Variants in ZFHX4 observed in about 807,000 individuals in gnomAD.
The protein encoded by ZFHX4 is zinc finger homeobox 4.
In ZFHX4, 56 loss-of-function variants were observed where a neutral mutation model predicts 267.6. The observed-to-expected ratio is 0.21, with a 90% CI of 0.17 to 0.26. The LOEUF (loss-of-function observed/expected upper bound fraction) is 0.26. Ranked by LOEUF, ZFHX4 falls within the 10% of genes least tolerant of loss-of-function variation. The pLI, the probability that ZFHX4 is intolerant of heterozygous loss-of-function variation, is 1.00. For synonymous variants in ZFHX4, 1,778 were observed against 1,665.6 expected (o/e 1.07, Z -1.64); for missense variants, 4,332 against 4,420.0 (o/e 0.98, Z 0.56).
intron 1 of ZFHX4, among the ~76,000 whole-genome samples, chr8:76,701,310 A>G (rs1808096902): frequency 6.6e-6 from 1 of 152,124 alleles, no homozygotes; most frequent in African/African-American, 2.4e-5. Context: ...TATAGAAGAC[A>G]GGTATTTGAC....
intron 5 of ZFHX4, chr8:76,833,741 C>G: frequency 3.8e-6 from 1 of 260,118 alleles, no homozygotes; most frequent in Admixed American, 5.0e-5. Context: ...AACATTATCA[C>G]TTGAAGACTG....
chr8:76,770,826 T>C (rs968243476), intron 3 of ZFHX4, among the ~76,000 whole-genome samples: 1 of 152,138 alleles, frequency 6.6e-6, no homozygotes, highest in Non-Finnish European at 1.5e-5. Context: ...GGAAGCTGTA[T>C]ACTCAGAATG....
intron 1 of ZFHX4, among the ~76,000 whole-genome samples, chr8:76,686,946 C>A (rs1033283661): frequency 3.3e-5 from 5 of 152,192 alleles, no homozygotes; most frequent in African/African-American, 9.7e-5. Flanking sequence ...GTTTCCCCCC[C>A]TTCTAAGACC....
Position 76,855,286 on chromosome 8 carries a change from G to C in ZFHX4, c.8365G>C (p.Ala2789Pro). 3 of 1,612,956 alleles carry C rather than the reference G, an allele frequency of 1.9e-6. No homozygotes were observed. The highest frequency in any genetic ancestry group is 2.5e-6 in the Non-Finnish European group (3 of 1,179,604). ...EDVENLNAPP[A>P]EAGYDQNKTD... ...TGTAGAGAATTTAAATGCCCCTCCT[G>C]CTGAGGCTGGGTATGATCAAAATAA... The change falls in exon 10 of 11, where the codon GCT becomes CCT. Residue 2789 changes from alanine (A) to proline (P), a missense_variant. By Grantham distance (27) the Ala-to-Pro change is conservative. Transcript: ENST00000651372.
At chr8:76,748,307 T>C (rs1402197506) in intron 3 of ZFHX4, among the ~76,000 whole-genome samples, 4 of 152,242 alleles carry the variant, frequency 2.6e-5, no homozygotes, top group Non-Finnish European at 5.9e-5. Context: ...GAACATCTTC[T>C]CTCCGATTTG....
intron 10 of ZFHX4, among the ~76,000 whole-genome samples, chr8:76,862,488 C>T (rs1416798792): frequency 1.3e-5 from 2 of 152,206 alleles, no homozygotes; most frequent in East Asian, 3.9e-4. Context: ...TAATGAATGG[C>T]TCTGACTTCG....
chr8:76,705,843 A>G lies in ZFHX4; in HGVS notation c.1755A>G (p.Ser585=), dbSNP rs765911473. 8 of 1,613,784 alleles carry G rather than the reference A, an allele frequency of 5.0e-6. No homozygotes were observed. The highest frequency in any genetic ancestry group is 6.8e-6 in the Non-Finnish European group (8 of 1,179,872). The change falls in exon 2 of 11, where the codon TCA becomes TCG. Residue 585 remains serine, a synonymous_variant. Transcript: ENST00000651372. The part of the protein sequence containing the change: ...SEIARGDEDS[S]ATPHQHGFTP... Reference sequence around the variant, plus strand: ...TAGCCCGGGGAGACGAAGACAGTTCAGCCACTCCTCACCAGCATGGCTTTA... The same window carrying G: ...TAGCCCGGGGAGACGAAGACAGTTCGGCCACTCCTCACCAGCATGGCTTTA...
chr8:76,842,636 G>C lies in ZFHX4; in HGVS notation c.3395-19G>C, dbSNP rs893513057. 4 of 1,537,788 alleles carry C rather than the reference G, an allele frequency of 2.6e-6. No homozygotes were observed. The Admixed American group carries it at 5.9e-5, about 23-fold the overall frequency. On this transcript the variant is annotated intron_variant, in intron 5 of 10. Transcript: ENST00000651372. Reference sequence around the variant, plus strand: ...TGGGCGGTTTTCAGTTCTACTGATTGGTCTGCCTTTCTTAACAGAAGAACA... The same window carrying C: ...TGGGCGGTTTTCAGTTCTACTGATTCGTCTGCCTTTCTTAACAGAAGAACA...
At chr8:76,756,033 T>C (rs1394822362) in intron 3 of ZFHX4, among the ~76,000 whole-genome samples, 3 of 151,874 alleles carry the variant, frequency 2.0e-5, no homozygotes, top group Non-Finnish European at 4.4e-5. Context: ...CACCAGAAGA[T>C]GTGTCAAAGT....
Position 76,706,109 on chromosome 8 carries a change from G to T in ZFHX4, c.2021G>T (p.Cys674Phe). 3 of 1,613,628 alleles carry T rather than the reference G, an allele frequency of 1.9e-6. No individual in the cohort carries two copies. The highest frequency in any genetic ancestry group is 2.5e-6 in the Non-Finnish European group (3 of 1,179,808). ...KEKHPEPGGS[C>F]VYCKTGQPHP... Reference sequence around the variant, plus strand: ...AAACACCCTGAGCCGGGTGGCTCTTGTGTTTATTGTAAGACTGGACAGCCT... The same window carrying T: ...AAACACCCTGAGCCGGGTGGCTCTTTTGTTTATTGTAAGACTGGACAGCCT... The change falls in exon 2 of 11, where the codon TGT becomes TTT. Residue 674 changes from cysteine (C) to phenylalanine (F), a missense_variant. By Grantham distance (205) the Cys-to-Phe change is radical. This residue lies in a region of ZFHX4 where 1,195 missense variants were observed against 1,173.6 expected (regional missense o/e 1.02). Transcript: ENST00000651372.
At chr8:76,809,942 A>G (rs1811334924) in intron 4 of ZFHX4, among the ~76,000 whole-genome samples, 1 of 152,214 alleles carries the variant, frequency 6.6e-6, no homozygotes, top group African/African-American at 2.4e-5. Flanking sequence ...GACCCAGTCA[A>G]AAATGCAAGT....
intron 5 of ZFHX4, chr8:76,834,533 C>T (rs1168009220): frequency 6.4e-6 from 1 of 156,278 alleles, no homozygotes; most frequent in African/African-American, 2.4e-5. Context: ...GCCTATTTGC[C>T]ATCTGTGTAT....
intron 4 of ZFHX4, among the ~76,000 whole-genome samples, chr8:76,831,829 TC>T (rs973466907): frequency 3.3e-5 from 5 of 152,106 alleles, no homozygotes; most frequent in African/African-American, 1.2e-4. Flanking sequence ...ACCACGTTAA[TC>T]AAGGCATAAC....
rs112388335 is a variant in ZFHX4 at position 76,759,053 on chromosome 8, T to C, written c.3094-19155T>C. Among the ~76,000 whole-genome samples, 830 of 152,320 alleles carry C rather than the reference T, an allele frequency of 5.4e-3. 10 individuals carry two copies. Among genetic ancestry groups the C allele is most frequent in the African/African-American group, 0.019 (781 of 41,572 alleles). ...ATTTCCAAAATGACTTCAAGAAAGATTTTCTTTACATACATATTTACATTT... is the reference window on the plus strand; with the variant it reads ...ATTTCCAAAATGACTTCAAGAAAGACTTTCTTTACATACATATTTACATTT... On this transcript the variant is annotated intron_variant, in intron 3 of 10. Coordinates refer to ENST00000651372, the MANE Select transcript of ZFHX4 (RefSeq NM_024721.5).
chr8:76,751,593 C>T (rs932834337), intron 3 of ZFHX4, among the ~76,000 whole-genome samples: 2 of 152,136 alleles, frequency 1.3e-5, no homozygotes, highest in Admixed American at 6.6e-5. Context: ...CTTTACTTCA[C>T]TTTTACCAGA....
intron 4 of ZFHX4, among the ~76,000 whole-genome samples, chr8:76,813,647 A>G (rs1179402265): frequency 2.0e-5 from 3 of 152,110 alleles, no homozygotes; most frequent in Non-Finnish European, 4.4e-5. Context: ...TTTGTCTGGA[A>G]CTGAAATTCT....
intron 3 of ZFHX4, among the ~76,000 whole-genome samples, chr8:76,757,198 C>T (rs893633639): frequency 1.1e-4 from 16 of 152,036 alleles, no homozygotes; most frequent in African/African-American, 2.4e-4. Context: ...TAACTGGGCT[C>T]GCAGTCTAAA....
chr8:76,752,829 G>A (rs142770473), intron 3 of ZFHX4, among the ~76,000 whole-genome samples: 373 of 152,232 alleles, frequency 2.5e-3, no homozygotes, highest in African/African-American at 8.4e-3. Flanking sequence ...GCAAATCTTA[G>A]TCAGTGTAAT....
chr8:76,791,894 C>T (rs767657825), intron 4 of ZFHX4, among the ~76,000 whole-genome samples: 1 of 152,102 alleles, frequency 6.6e-6, no homozygotes, highest in Non-Finnish European at 1.5e-5. Flanking sequence ...TTACACCACT[C>T]AATGTATAGA....
Sources: gnomAD v4.1 joint callset for allele counts (sites outside exome capture counted in the v4.1 genomes callset) on GRCh38, gnomAD v4.1.1 for gene constraint, gnomAD v4.1.1 regional missense constraint, MANE v1.5 for transcripts, NCBI Gene and HGNC (gene_info 2026-07-23, HGNC 2026-07-21) for gene names.